FRMPD1: variants seen among roughly 807,000 people sequenced by gnomAD.
FRMPD1 encodes the protein FERM and PDZ domain containing 1.
Under a neutral mutation model 117.8 loss-of-function variants are expected in FRMPD1, and 76 were observed. That is an observed-to-expected ratio of 0.65 (90% confidence interval 0.54 to 0.78). FRMPD1 has a LOEUF of 0.78. Among genes scored for constraint, FRMPD1 ranks in the 30% least tolerant of loss-of-function variants. The pLI, the probability that FRMPD1 is intolerant of heterozygous loss-of-function variation, is 0.00. For missense variants in FRMPD1, 1,786 were observed against 1,964.5 expected, an observed-to-expected ratio of 0.91 and a Z score of 1.72; for synonymous variants, 783 against 770.4, an observed-to-expected ratio of 1.02 and a Z score of -0.27.
At chr9:37,619,876 C>T in the FRMPD1 span, among the ~76,000 whole-genome samples, 1 of 150,404 alleles carries the variant, frequency 6.6e-6, no homozygotes, top group Non-Finnish European at 1.5e-5. Context: ...TAGCTACATA[C>T]TGCTTTTTGT....
Position 37,735,618 on chromosome 9 carries a change from A to G in FRMPD1, c.1285A>G (p.Asn429Asp), listed in dbSNP as rs370778859. Residue 429 changes from asparagine to aspartate, a missense_variant, in exon 13 of 16, where the codon AAT becomes GAT. Asn to Asp is a conservative substitution (Grantham distance 23). Transcript: ENST00000377765. ...CAAGTATGGGATTAGCCAGGTTATCAATAGCAAACTCAACATCATGTCCAC... is the reference window on the plus strand; with the variant it reads ...CAAGTATGGGATTAGCCAGGTTATCGATAGCAAACTCAACATCATGTCCAC... Reference protein sequence around the residue: ...GAKYGISQVINSKLNIMSTLA... With the variant: ...GAKYGISQVIDSKLNIMSTLA... 198 of 1,613,892 alleles carry G rather than the reference A, an allele frequency of 1.2e-4. No homozygotes were observed. The highest frequency in any genetic ancestry group is 1.7e-4 in the Middle Eastern group (1 of 6,060).
At chr9:37,728,243 G>A (rs1210817314) in intron 7 of FRMPD1, among the ~76,000 whole-genome samples, 1 of 152,188 alleles carries the variant, frequency 6.6e-6, no homozygotes, top group Non-Finnish European at 1.5e-5. Flanking sequence ...GCTAGGAATT[G>A]GGAATGGAGG....
chr9:37,729,946 T>C, intron 8 of FRMPD1, 93 bp downstream of exon 8: 1 of 1,348,716 alleles, frequency 7.4e-7, no homozygotes, highest in Non-Finnish European at 1.0e-6. Flanking sequence ...TCAGCACATC[T>C]GCAGGTTTGA....
Position 37,708,416 on chromosome 9 carries a change from A to AG in FRMPD1, c.277_278insG (p.Lys93ArgfsTer6). 6.2e-7 allele frequency: 1 copy of AG among 1,611,610 alleles called. No individual in the cohort carries two copies. On this transcript the variant is annotated frameshift_variant, in exon 4 of 16. Coordinates refer to ENST00000377765, the MANE Select transcript of FRMPD1 (RefSeq NM_014907.3). LOFTEE classifies it high-confidence loss of function. ...TCCAACAGGAGGCTCTGCTCACGGCAAGCTTTTCCCTGGTGATCAGATCCT... is the reference window on the plus strand; with the variant it reads ...TCCAACAGGAGGCTCTGCTCACGGCAGAGCTTTTCCCTGGTGATCAGATCCT...
intron 2 of FRMPD1, among the ~76,000 whole-genome samples, chr9:37,700,446 AAT>A (rs1822491174): frequency 6.6e-6 from 1 of 152,226 alleles, no homozygotes; most frequent in South Asian, 2.1e-4. Flanking sequence ...TAGCTTTTAA[AAT>A]CACTCAAGCT....
rs144705065 is a variant in FRMPD1, at chr9:37,732,040, C to T, written c.859-264C>T. Among the ~76,000 whole-genome samples the T allele has an allele frequency of 3.6e-4, 55 of 152,264 alleles. No individual in the cohort carries two copies. In the East Asian group the frequency reaches 9.5e-3, roughly 26 times the overall value. On this transcript the variant is annotated intron_variant, in intron 9 of 15. Transcript: ENST00000377765. ...CCATCAATACTTTATATTTGTATAA[C>T]ACTGTGTGCCTTATACCTGCTTTCA...
Position 37,745,204 on chromosome 9 carries a change from T to C in FRMPD1, c.3172T>C (p.Ser1058Pro). The change falls in exon 16 of 16, where the codon TCT becomes CCT. Residue 1058 changes from serine to proline, a missense_variant. Coordinates refer to ENST00000377765, the MANE Select transcript of FRMPD1 (RefSeq NM_014907.3). ...PHVQLEMGLE[S>P]FCTNHIQETA... ...TGTCCAGTTGGAAATGGGATTGGAA[T>C]CTTTTTGTACAAATCATATACAAGA... 1 of 1,613,782 alleles carries C rather than the reference T, an allele frequency of 6.2e-7. No homozygotes were observed. Among genetic ancestry groups the C allele is most frequent in the Non-Finnish European group, 8.5e-7 (1 of 1,179,788 alleles).
the FRMPD1 span, among the ~76,000 whole-genome samples, chr9:37,644,455 C>G: frequency 7.2e-5 from 11 of 152,324 alleles, no homozygotes; most frequent in South Asian, 2.1e-3. Context: ...TGGGCTCCAG[C>G]TATAGGCAAC....
chr9:37,707,537 G>A lies in FRMPD1; in HGVS notation c.223G>A (p.Glu75Lys), dbSNP rs747829777. The A allele has an allele frequency of 9.9e-6, 16 of 1,613,916 alleles. No individual in the cohort carries two copies. The Middle Eastern group carries it at 8.2e-4, about 83-fold the overall frequency. ...CCAGGACTATGGATTTCACATTTCT[G>A]AGAGCCTTCCCCTTACAGTGGTGGC... ...LLQDYGFHIS[E>K]SLPLTVVAVT... Residue 75 changes from glutamate to lysine, a missense_variant, in exon 3 of 16, where the codon GAG (glutamate) becomes AAG (lysine). Transcript: ENST00000377765.
At chr9:37,608,628 C>T in the FRMPD1 span, among the ~76,000 whole-genome samples, 4 of 152,224 alleles carry the variant, frequency 2.6e-5, no homozygotes, top group East Asian at 7.7e-4. Flanking sequence ...TAGGCACTTG[C>T]CACTGTGCCT....
chr9:37,619,968 C>A, the FRMPD1 span, among the ~76,000 whole-genome samples: 3 of 151,838 alleles, frequency 2.0e-5, no homozygotes, highest in African/African-American at 4.8e-5. Flanking sequence ...TATCCTCCCC[C>A]ACATCCTGGA....
At chr9:37,637,968 C>T in the FRMPD1 span, among the ~76,000 whole-genome samples, 1,888 of 31,284 alleles carry the variant, frequency 0.06, 163 homozygotes, top group East Asian at 0.41. Context: ...TGTATGCTTT[C>T]TTTCTTTCTT....
At chr9:37,687,709 GAGCTTTT>G (rs1405153095) in intron 1 of FRMPD1, among the ~76,000 whole-genome samples, 1 of 152,102 alleles carries the variant, frequency 6.6e-6, no homozygotes, top group East Asian at 1.9e-4. Flanking sequence ...TATTATAAAA[GAGCTTTT>G]ACAAATTGGC....
chr9:37,605,200 C>G, the FRMPD1 span, among the ~76,000 whole-genome samples: 11 of 152,202 alleles, frequency 7.2e-5, no homozygotes, highest in Middle Eastern at 3.2e-3. Flanking sequence ...CTGGATGTTC[C>G]TGAACTGAAT....
chr9:37,706,111 C>G (rs1822696320), intron 2 of FRMPD1, among the ~76,000 whole-genome samples: 1 of 152,088 alleles, frequency 6.6e-6, no homozygotes, highest in Non-Finnish European at 1.5e-5. Flanking sequence ...CTCAGTATTA[C>G]CTGCATGCTG....
chr9:37,731,722 A>C (rs10814611), intron 9 of FRMPD1, among the ~76,000 whole-genome samples: 1 of 151,904 alleles, frequency 6.6e-6, no homozygotes, highest in Non-Finnish European at 1.5e-5. Context: ...AAATACAAAA[A>C]ATTAGCCAGC....
At chr9:37,617,692 T>C in the FRMPD1 span, among the ~76,000 whole-genome samples, 1 of 152,198 alleles carries the variant, frequency 6.6e-6, no homozygotes, top group African/African-American at 2.4e-5. Context: ...GTGGATTACT[T>C]TCTAAATGGG....
chr9:37,621,868 G>A, the FRMPD1 span, among the ~76,000 whole-genome samples: 4 of 152,068 alleles, frequency 2.6e-5, no homozygotes, highest in Admixed American at 6.6e-5. Context: ...ACTTCCTGCC[G>A]AACAGGATGC....
At chr9:37,664,835 G>A (rs12342575) in intron 1 of FRMPD1, among the ~76,000 whole-genome samples, 1 of 152,024 alleles carries the variant, frequency 6.6e-6, no homozygotes. Context: ...ATTGGGGGAA[G>A]TAGTTTTCCT....
Sources: allele counts gnomAD v4.1 joint callset (sites outside exome capture counted in the v4.1 genomes callset), GRCh38; gene constraint gnomAD v4.1.1; transcripts MANE v1.5; gene names NCBI Gene and HGNC (gene_info 2026-07-23, HGNC 2026-07-21).